The following TSC22D3 variants were observed in gnomAD, a reference collection of about 807,000 sequenced individuals.
TSC22D3 encodes the protein TSC22 domain family member 3, also known as TSC22 domain family protein 3.
In TSC22D3, 4 loss-of-function variants were observed where a neutral mutation model predicts 11.1. That is an observed-to-expected ratio of 0.36 (90% confidence interval 0.18 to 0.83). The LOEUF is 0.83. Among genes scored for constraint, TSC22D3 ranks in the 40% least tolerant of loss-of-function variants. The pLI is 0.48. For missense variants in TSC22D3, 118 were observed against 159.4 expected, an observed-to-expected ratio of 0.74 and a Z score of 1.40; for synonymous variants, 77 against 70.3, an observed-to-expected ratio of 1.10 and a Z score of -0.48.
intron 1 of TSC22D3, among the ~76,000 whole-genome samples, chrX:107,735,833 C>T (rs925450375): frequency 4.5e-5 from 5 of 111,346 alleles, no homozygotes; most frequent in Non-Finnish European, 9.4e-5. Context: ...ACAATTCTCC[C>T]CTTTAGCTTA....
At chrX:107,738,438 G>A (rs2147752097) in intron 1 of TSC22D3, among the ~76,000 whole-genome samples, 1 of 112,575 alleles carries the variant, frequency 8.9e-6, no homozygotes, top group African/African-American at 3.2e-5. Flanking sequence ...GGGAGTTGGT[G>A]GTAGAGGCTG....
intron 2 of TSC22D3, 107 bp from the exon 3 acceptor site, chrX:107,714,856 C>T: frequency 3.9e-6 from 3 of 761,049 alleles, no homozygotes; most frequent in Non-Finnish European, 5.9e-6. Context: ...ATGCCAGGGC[C>T]CTCCAGCCTT....
At chrX:107,742,966 C>T (rs1161303049) in intron 1 of TSC22D3, among the ~76,000 whole-genome samples, 1 of 111,885 alleles carries the variant, frequency 8.9e-6, no homozygotes, top group Non-Finnish European at 1.9e-5. Context: ...GGCGACCTCC[C>T]AGAGTCAGTG....
intron 1 of TSC22D3, among the ~76,000 whole-genome samples, chrX:107,758,825 A>C (rs1468940251): frequency 9.0e-6 from 1 of 110,981 alleles, no homozygotes; most frequent in African/African-American, 3.3e-5. Flanking sequence ...CATTAATGAC[A>C]CCTCCAAACA....
At chrX:107,738,529 C>A (rs762775025) in intron 1 of TSC22D3, among the ~76,000 whole-genome samples, 4 of 113,034 alleles carry the variant, frequency 3.5e-5, no homozygotes, top group African/African-American at 9.6e-5. Flanking sequence ...CCTCTCTTGC[C>A]CTTTGTGCCC....
Position 107,775,713 on chromosome X carries a change from T to A in TSC22D3, c.-294A>T. ...CTCTTGAGGCCGGGGGCCGCCCCCCTGAGGTGCCACACGCGGCCCCAGCGC... is the reference window on the plus strand; with the variant it reads ...CTCTTGAGGCCGGGGGCCGCCCCCCAGAGGTGCCACACGCGGCCCCAGCGC... On this transcript the variant is annotated 5_prime_UTR_variant, in exon 1 of 3. Transcript: ENST00000372383. 1 of 206,359 alleles carries A rather than the reference T, an allele frequency of 4.8e-6. No homozygotes were observed. The highest frequency in any genetic ancestry group is 1.1e-4 in the East Asian group (1 of 9,016). The allele number at this position is 206,359 out of a possible 1,213,427, so 17.0% of individuals were successfully genotyped here.
At chrX:107,729,828 C>T (rs1927805122) in intron 1 of TSC22D3, among the ~76,000 whole-genome samples, 1 of 113,043 alleles carries the variant, frequency 8.8e-6, no homozygotes, top group South Asian at 3.6e-4. Flanking sequence ...TAAACACATC[C>T]ATGTCAGGGG....
At chrX:107,767,034 G>A (rs1416377905) in intron 1 of TSC22D3, among the ~76,000 whole-genome samples, 1 of 110,890 alleles carries the variant, frequency 9.0e-6, no homozygotes, top group Non-Finnish European at 1.9e-5. Context: ...TGCTGGAGTC[G>A]CTTCCTTTCC....
intron 1 of TSC22D3, among the ~76,000 whole-genome samples, chrX:107,755,612 T>C (rs750737871): frequency 4.6e-4 from 52 of 112,543 alleles, no homozygotes; most frequent in Middle Eastern, 4.6e-3. Flanking sequence ...AAACTCCTGG[T>C]AGAAGTGGGA....
intron 1 of TSC22D3, among the ~76,000 whole-genome samples, chrX:107,771,756 C>T (rs1203722644): frequency 1.8e-5 from 2 of 112,067 alleles, no homozygotes; most frequent in African/African-American, 6.5e-5. Flanking sequence ...GTTTAAAATA[C>T]ACTTCTTCCC....
chrX:107,755,876 G>A (rs1451863769), intron 1 of TSC22D3, among the ~76,000 whole-genome samples: 1 of 112,061 alleles, frequency 8.9e-6, no homozygotes, highest in African/African-American at 3.3e-5. Flanking sequence ...GACAGACCCA[G>A]CAATTCTCCA....
At chrX:107,740,697 CA>C (rs1456124967) in intron 1 of TSC22D3, among the ~76,000 whole-genome samples, 1 of 110,954 alleles carries the variant, frequency 9.0e-6, no homozygotes, top group East Asian at 2.9e-4. Context: ...CAGCAGATGC[CA>C]GAAGCTAAGA....
chrX:107,715,165 G>C (rs778168591), intron 2 of TSC22D3, among the ~76,000 whole-genome samples: 2 of 111,981 alleles, frequency 1.8e-5, no homozygotes, highest in African/African-American at 3.2e-5. Context: ...ATCCCATACT[G>C]TTTGTCTGCT....
intron 1 of TSC22D3, chrX:107,716,545 T>TGGGCCCCCCCCCC: frequency 2.5e-6 from 2 of 796,134 alleles, no homozygotes; most frequent in Non-Finnish European, 3.0e-6. Context: ...CCTTCCTGCG[T>TGGGCCCCCCCCCC]CCCCTCCCCC....
At chrX:107,722,720 A>G (rs1456896598) in intron 1 of TSC22D3, among the ~76,000 whole-genome samples, 2 of 110,416 alleles carry the variant, frequency 1.8e-5, no homozygotes, top group African/African-American at 6.6e-5. Flanking sequence ...CACCCTCCCT[A>G]TTGTCCATCT....
chrX:107,753,136 C>T (rs774221834), intron 1 of TSC22D3, among the ~76,000 whole-genome samples: 1 of 110,859 alleles, frequency 9.0e-6, no homozygotes, highest in African/African-American at 3.3e-5. Context: ...CCTATCCTTC[C>T]CTTTACCTAC....
chrX:107,764,740 T>A (rs1929586603), intron 1 of TSC22D3, among the ~76,000 whole-genome samples: 3 of 111,772 alleles, frequency 2.7e-5, no homozygotes, highest in Non-Finnish European at 3.8e-5. Context: ...AGAAGGGACC[T>A]CGTGGAGACT....
intron 1 of TSC22D3, among the ~76,000 whole-genome samples, chrX:107,719,999 C>A (rs1006418488): frequency 9.0e-6 from 1 of 111,109 alleles, no homozygotes; most frequent in African/African-American, 3.3e-5. Flanking sequence ...GGGTGGCTTC[C>A]AGAATGGAAC....
intron 2 of TSC22D3, 50 bp downstream of exon 2, chrX:107,715,849 T>A: frequency 8.4e-7 from 1 of 1,194,131 alleles, no homozygotes; most frequent in Non-Finnish European, 1.1e-6. Flanking sequence ...CAGAGTTACA[T>A]AAGCAGCAGC....
Sources: gnomAD v4.1 joint callset for allele counts (sites outside exome capture counted in the v4.1 genomes callset) on GRCh38, gnomAD v4.1.1 for gene constraint, MANE v1.5 for transcripts, NCBI Gene and HGNC (gene_info 2026-07-23, HGNC 2026-07-21) for gene names.